The following MEF2C variants were observed in gnomAD, a reference collection of about 807,000 sequenced individuals.
MEF2C encodes the protein myocyte-specific enhancer factor 2C.
MEF2C carries 6 observed loss-of-function variants against 50.5 expected under a neutral mutation model. The observed-to-expected ratio is 0.12, with a 90% CI of 0.07 to 0.23. The LOEUF (loss-of-function observed/expected upper bound fraction) is 0.23. Among genes scored for constraint, MEF2C ranks in the 10% least tolerant of loss-of-function variants. MEF2C has a pLI of 1.00. For missense variants in MEF2C, 276 were observed against 605.0 expected, an observed-to-expected ratio of 0.46 and a Z score of 5.70; for synonymous variants, 183 against 228.0, an observed-to-expected ratio of 0.80 and a Z score of 1.78.
At chr5:88,757,872 C>A (rs913900407) in intron 4 of MEF2C, among the ~76,000 whole-genome samples, 1 of 152,088 alleles carries the variant, frequency 6.6e-6, no homozygotes, top group Admixed American at 6.5e-5. Context: ...GCCAGGATCA[C>A]GCCGTTGCAC....
intron 4 of MEF2C, chr5:88,752,902 TA>T (rs1773500362): frequency 3.5e-6 from 1 of 286,284 alleles, no homozygotes; most frequent in African/African-American, 2.3e-5. Context: ...GCATTACGAG[TA>T]AAAATACTCT....
At chr5:88,821,689 A>G (rs1470609514) in intron 2 of MEF2C, among the ~76,000 whole-genome samples, 4 of 151,896 alleles carry the variant, frequency 2.6e-5, no homozygotes, top group Admixed American at 2.0e-4. Context: ...TGTGGGAGCT[A>G]AACTTTTTTT....
chr5:88,852,849 C>T (rs1328360456), intron 1 of MEF2C, among the ~76,000 whole-genome samples: 2 of 151,728 alleles, frequency 1.3e-5, no homozygotes, highest in Non-Finnish European at 1.5e-5. Flanking sequence ...TGAGAGGTGG[C>T]GCTTGCAGTG....
intron 2 of MEF2C, among the ~76,000 whole-genome samples, chr5:88,814,004 A>T (rs1160756866): frequency 1.3e-5 from 2 of 152,080 alleles, no homozygotes; most frequent in Non-Finnish European, 2.9e-5. Context: ...AGGAAACAGA[A>T]TGACTAATGA....
rs1403721275 is a variant in MEF2C at position 88,722,784 on chromosome 5, G to T, written c.1242C>A (p.His414Gln). The T allele has an allele frequency of 1.2e-6, 2 of 1,613,886 alleles. No individual in the cohort carries two copies. Among genetic ancestry groups the T allele is most frequent in the African/African-American group, 1.3e-5 (1 of 74,914 alleles). Residue 414 changes from histidine (H) to glutamine (Q), a missense_variant, in exon 11 of 11, where the codon CAC becomes CAA. By Grantham distance (24) the His-to-Gln change is conservative (BLOSUM62 0). Coordinates refer to ENST00000504921, the MANE Select transcript of MEF2C (RefSeq NM_002397.5). ...TGTCAACAGGAGATCTCCCCGCCTC[G>T]TGGCGCGTGTGTTGTGGGTATCTCG... ...TPSRYPQHTR[H>Q]EAGRSPVDSL... is the part of the protein sequence containing the mutation.
At chr5:88,897,938 GC>G (rs1835280134) in intron 1 of MEF2C, among the ~76,000 whole-genome samples, 1 of 152,068 alleles carries the variant, frequency 6.6e-6, no homozygotes, top group African/African-American at 2.4e-5. Context: ...AGATTCATGG[GC>G]CCCACCTCAG....
chr5:88,749,327 C>CT, intron 5 of MEF2C: 1 of 981,522 alleles, frequency 1.0e-6, no homozygotes. Flanking sequence ...TTTGCAGAAT[C>CT]TTTTTTCTAA....
At chr5:88,760,567 A>G (rs1777389330) in intron 4 of MEF2C, among the ~76,000 whole-genome samples, 1 of 152,238 alleles carries the variant, frequency 6.6e-6, no homozygotes, top group African/African-American at 2.4e-5. Context: ...TTGTCAGTTT[A>G]CATGAAAGAA....
At chr5:88,743,485 A>G in intron 6 of MEF2C, 2 of 985,022 alleles carry the variant, frequency 2.0e-6, no homozygotes, top group Non-Finnish European at 2.4e-6. Flanking sequence ...ACTTAGTTCT[A>G]TTTTGTAATA....
At chr5:88,842,091 T>C (rs995975337) in intron 1 of MEF2C, among the ~76,000 whole-genome samples, 115 of 152,340 alleles carry the variant, frequency 7.5e-4, no homozygotes, top group African/African-American at 2.6e-3. Context: ...TTAAGGCTTG[T>C]GATTTCTGAT....
intron 1 of MEF2C, among the ~76,000 whole-genome samples, chr5:88,846,635 G>A (rs890321639): frequency 6.6e-6 from 1 of 152,108 alleles, no homozygotes; most frequent in Non-Finnish European, 1.5e-5. Flanking sequence ...CTGTAATGCC[G>A]CCAAGGTCAC....
chr5:88,861,967 T>C (rs1409488454), intron 1 of MEF2C, among the ~76,000 whole-genome samples: 1 of 152,170 alleles, frequency 6.6e-6, no homozygotes, highest in African/African-American at 2.4e-5. Context: ...CACAACTAAT[T>C]TATTTCTCTA....
chr5:88,755,095 G>C (rs1774691943), intron 4 of MEF2C, among the ~76,000 whole-genome samples: 2 of 152,134 alleles, frequency 1.3e-5, no homozygotes, highest in Non-Finnish European at 1.5e-5. Flanking sequence ...AATCATTTAT[G>C]ATGTTGGTTA....
chr5:88,769,565 T>C (rs1781492352), intron 3 of MEF2C, among the ~76,000 whole-genome samples: 1 of 152,212 alleles, frequency 6.6e-6, no homozygotes, highest in Non-Finnish European at 1.5e-5. Flanking sequence ...AGTGAAATAC[T>C]AAAGAGAGAA....
At chr5:88,820,863 C>A (rs1019409612) in intron 2 of MEF2C, among the ~76,000 whole-genome samples, 1 of 151,980 alleles carries the variant, frequency 6.6e-6, no homozygotes, top group African/African-American at 2.4e-5. Context: ...CAACTGCTCT[C>A]ATAGTAGGTG....
At position 88,731,759 on chromosome 5, in the gene MEF2C, T is replaced by C. The variant is rs776117674; in HGVS notation, c.780A>G (p.Pro260=). The C allele has an allele frequency of 9.9e-6, 16 of 1,613,248 alleles. No individual in the cohort carries two copies. The African/African-American group carries it at 1.9e-4, about 19-fold the overall frequency. The change falls in exon 7 of 11, where the codon CCA becomes CCG. Residue 260 remains proline (P), a synonymous_variant. Coordinates refer to ENST00000504921, the MANE Select transcript of MEF2C (RefSeq NM_002397.5). The part of the protein sequence containing the change: ...NRKPDLRVLI[P]PGSKNTMPSV... ...ATGGCATCGTATTCTTGCTGCCTGG[T>C]GGAATAAGAACTCGGAGATCTGGTT...
At position 88,778,569 on chromosome 5, in the gene MEF2C, C is replaced by T. The variant is rs144233470; in HGVS notation, c.259-17241G>A. The stretch of plus-strand genomic sequence containing the variant: ...AACTATTGTTTCTCCCTGGGCAAAG[C>T]GAGGGATCATCGAGAAATCTTGTAT... On this transcript the variant is annotated intron_variant, in intron 3 of 10. Transcript: ENST00000504921. Among the ~76,000 whole-genome samples the T allele has an allele frequency of 7.6e-4, 116 of 151,644 alleles. 2 individuals are homozygous for T. Among genetic ancestry groups the T allele is most frequent in the African/African-American group, 2.5e-3 (104 of 41,318 alleles).
intron 10 of MEF2C, among the ~76,000 whole-genome samples, chr5:88,725,977 G>A (rs2152114687): frequency 6.6e-6 from 1 of 152,028 alleles, no homozygotes; most frequent in East Asian, 1.9e-4. Flanking sequence ...ACTCTTGATG[G>A]CAAGTTCCTC....
chr5:88,895,529 T>C (rs1835030428), intron 1 of MEF2C, among the ~76,000 whole-genome samples: 1 of 152,324 alleles, frequency 6.6e-6, no homozygotes, highest in East Asian at 1.9e-4. Context: ...AGCATAAATA[T>C]GTTGAATTAG....
Sources: allele counts gnomAD v4.1 joint callset (sites outside exome capture counted in the v4.1 genomes callset), GRCh38; gene constraint gnomAD v4.1.1; transcripts MANE v1.5; gene names NCBI Gene and HGNC (gene_info 2026-07-23, HGNC 2026-07-21).